POLQ: variants seen among roughly 807,000 people sequenced by gnomAD.
POLQ encodes epididymis secretory sperm binding protein.
A neutral mutation model predicts 259.2 loss-of-function variants in POLQ; 233 were observed. The ratio of observed to expected loss-of-function variants is 0.90; its 90% confidence interval spans 0.81 to 1.00. The LOEUF (loss-of-function observed/expected upper bound fraction) is 1.00. Among genes scored for constraint, POLQ ranks in the 50% least tolerant of loss-of-function variants. The probability of loss-of-function intolerance (pLI) is 0.00; values close to 1 mark genes in which losing one functional copy is unlikely to be tolerated. For synonymous variants in POLQ, 1,025 were observed against 1,048.8 expected (o/e 0.98, Z 0.44); for missense variants, 2,871 against 3,051.6 (o/e 0.94, Z 1.39).
At chr3:121,536,852 C>G (rs2048454975) in intron 5 of POLQ, among the ~76,000 whole-genome samples, 1 of 152,044 alleles carries the variant, frequency 6.6e-6, no homozygotes, top group South Asian at 2.1e-4. Context: ...CACTGTGTTG[C>G]CCAGGCTGGT....
intron 12 of POLQ, among the ~76,000 whole-genome samples, chr3:121,504,357 C>T (rs529234750): frequency 2.0e-5 from 3 of 152,274 alleles, no homozygotes; most frequent in East Asian, 1.9e-4. Context: ...AAAATCGAAA[C>T]TCTGAATAGT....
chr3:121,538,638 G>T (rs2048467532), intron 4 of POLQ, among the ~76,000 whole-genome samples: 1 of 150,600 alleles, frequency 6.6e-6, no homozygotes, highest in Non-Finnish European at 1.5e-5. Flanking sequence ...CACTGTGCTA[G>T]GTACATTGGA....
rs1366574807 is a variant in POLQ, at chr3:121,431,609, T to TA, written c.*694dup. 6.6e-6 allele frequency: 1 copy of TA among 152,596 alleles called. No individual in the cohort carries two copies. Among genetic ancestry groups the TA allele is most frequent in the Non-Finnish European group, 1.5e-5 (1 of 68,034 alleles). The allele number at this position is 152,596 out of a possible 1,614,324, so 9.5% of individuals were successfully genotyped here. On this transcript the variant is annotated 3_prime_UTR_variant, in exon 30 of 30. Transcript: ENST00000264233. Reference sequence around the variant, plus strand: ...CTGGCAGTATTATATTGACCTGCAATAAAAACATCTGATCTTACAGAACAG... The same window carrying TA: ...CTGGCAGTATTATATTGACCTGCAATAAAAAACATCTGATCTTACAGAACAG...
At chr3:121,544,655 C>T (rs2048515906) in intron 2 of POLQ, 72 bp downstream of exon 2, 7 of 997,400 alleles carry the variant, frequency 7.0e-6, no homozygotes, top group Non-Finnish European at 9.2e-6. Context: ...AAACGAACCA[C>T]AACTACCTCA....
rs2047848462 is a variant in POLQ, at chr3:121,467,563, A to T, written c.6923T>A (p.Met2308Lys). The change falls in exon 24 of 30, where the codon ATG becomes AAG. Residue 2308 changes from methionine to lysine, a missense_variant. By Grantham distance (95) the Met-to-Lys change is moderately conservative. Around this residue, in one of 3 missense-constraint regions of POLQ, gnomAD observed 2,080 missense variants for 2,126.0 expected, o/e 0.98. Transcript: ENST00000264233. ...ATGTCGCATGCTAATTGAAAATGGC[A>T]TTCCTCTGTCTGCAGCTCTCTCCTC... Reference protein sequence around the residue: ...QMEERAADRGMPFSISMRHAF... With the variant: ...QMEERAADRGKPFSISMRHAF... 8.1e-6 allele frequency: 13 copies of T among 1,614,070 alleles called. No individual in the cohort carries two copies. The highest frequency in any genetic ancestry group is 1.1e-5 in the Non-Finnish European group (13 of 1,179,938).
At position 121,453,089 on chromosome 3, in the gene POLQ, C is replaced by T. The variant is rs189869904; in HGVS notation, c.7153-3663G>A. On this transcript the variant is annotated intron_variant, in intron 25 of 29. Transcript: ENST00000264233. Reference sequence around the variant, plus strand: ...GCAGCATTCGCAGTTTACGAAAATCCGCTGTTCTGCAGTCACCGCTGTTGA... The same window carrying T: ...GCAGCATTCGCAGTTTACGAAAATCTGCTGTTCTGCAGTCACCGCTGTTGA... Among the ~76,000 whole-genome samples the T allele has an allele frequency of 7.2e-5, 11 of 152,314 alleles. No individual in the cohort carries two copies. The East Asian group carries it at 9.7e-4, about 13-fold the overall frequency.
intron 4 of POLQ, among the ~76,000 whole-genome samples, chr3:121,538,442 A>G (rs1471766342): frequency 6.6e-6 from 1 of 152,078 alleles, no homozygotes; most frequent in Non-Finnish European, 1.5e-5. Flanking sequence ...CTCCCCACCA[A>G]AAGACAACTT....
At position 121,545,083 on chromosome 3, in the gene POLQ, T is replaced by G. The variant is rs77337163; in HGVS notation, c.164-177A>C. Among the ~76,000 whole-genome samples, 1,020 of 152,304 alleles carry G rather than the reference T, an allele frequency of 6.7e-3. 6 individuals are homozygous for G. Among genetic ancestry groups the G allele is most frequent in the South Asian group, 0.013 (61 of 4,828 alleles). ...TGTATAGAAAAGTAATAAATTGTTA[T>G]TTACTGCATATAATAAAAATTCCTT... On this transcript the variant is annotated intron_variant, in intron 1 of 29. Transcript: ENST00000264233.
intron 16 of POLQ, among the ~76,000 whole-genome samples, chr3:121,486,043 C>A (rs1317322919): frequency 6.6e-6 from 1 of 152,076 alleles, no homozygotes; most frequent in African/African-American, 2.4e-5. Context: ...CTTATTTGAC[C>A]AAAAGGTTCA....
intron 24 of POLQ, among the ~76,000 whole-genome samples, chr3:121,462,149 T>C (rs1042562832): frequency 1.4e-4 from 21 of 152,068 alleles, no homozygotes; most frequent in African/African-American, 5.1e-4. Context: ...AAAATCAAAA[T>C]CTAAAACACT....
At chr3:121,497,500 A>G (rs943437990) in intron 13 of POLQ, among the ~76,000 whole-genome samples, 4 of 151,996 alleles carry the variant, frequency 2.6e-5, no homozygotes, top group African/African-American at 9.7e-5. Flanking sequence ...GCAGTGGCGC[A>G]ATCTTGGCTC....
In POLQ at chr3:121,498,464, C is replaced by CCTTGA. The variant is rs774956514; in HGVS notation, c.2153+8_2153+12dup. The CCTTGA allele has an allele frequency of 5.0e-6, 8 of 1,604,260 alleles. No homozygotes were observed. The Admixed American group carries it at 1.3e-4, about 27-fold the overall frequency. On this transcript the variant is annotated intron_variant, in intron 13 of 29. Transcript: ENST00000264233. ...TGTTAAATACCGGAGAGCCCAGAGA[C>CCTTGA]CTTGACGTTTACCTTTTATGGATGG... is the stretch of plus-strand genomic sequence containing the variant.
intron 25 of POLQ, 59 bp downstream of exon 25, chr3:121,459,991 A>T: frequency 7.5e-7 from 1 of 1,328,224 alleles, no homozygotes; most frequent in South Asian, 1.2e-5. Context: ...GACCATTTTT[A>T]ATTTTTTTTG....
intron 6 of POLQ, among the ~76,000 whole-genome samples, chr3:121,531,937 A>T (rs1278082122): frequency 6.6e-6 from 1 of 152,180 alleles, no homozygotes; most frequent in Non-Finnish European, 1.5e-5. Flanking sequence ...TTCTATTTCC[A>T]ATTCTAAAAT....
At chr3:121,534,192 C>A (rs758896673) in intron 5 of POLQ, among the ~76,000 whole-genome samples, 1 of 151,732 alleles carries the variant, frequency 6.6e-6, no homozygotes, top group Non-Finnish European at 1.5e-5. Flanking sequence ...GTTTCAAAAG[C>A]CTGTTTTTTT....
At position 121,432,919 on chromosome 3, in the gene POLQ, T is replaced by C. The variant is rs749186748; in HGVS notation, c.7658A>G (p.Gln2553Arg). The C allele has an allele frequency of 1.3e-5, 20 of 1,550,210 alleles. No homozygotes were observed. Among genetic ancestry groups the C allele is most frequent in the Middle Eastern group, 1.7e-4 (1 of 5,948 alleles). Residue 2553 changes from glutamine (Q) to arginine (R), a missense_variant and splice_region_variant, in exon 29 of 30, where the codon CAG (glutamine) becomes CGG (arginine). Gln to Arg is a conservative substitution (Grantham distance 43). This residue lies in a region of POLQ where 2,080 missense variants were observed against 2,126.0 expected (regional missense o/e 0.98). Coordinates refer to ENST00000264233, the MANE Select transcript of POLQ (RefSeq NM_199420.4). ...LYEVAEEDVV[Q>R]VAQIVKNEME... Reference sequence around the variant, plus strand: ...TGGACACAAGCATTGCAAAAATACCTGAACAACATCTTCTTCTGCCACTTC... The same window carrying C: ...TGGACACAAGCATTGCAAAAATACCCGAACAACATCTTCTTCTGCCACTTC...
At chr3:121,520,204 G>C in intron 8 of POLQ, 121 bp from the exon 9 acceptor site, 1 of 653,418 alleles carries the variant, frequency 1.5e-6, no homozygotes, top group Non-Finnish European at 2.7e-6. Context: ...CTATTGTTAT[G>C]ACTGTTGACA....
Position 121,483,585 on chromosome 3 carries a change from TTA to T in POLQ, c.5774-5_5774-4del. ...TGGAACCAAACTGGCACTAATTTCTTTAAAAAAAAAAAAAAAAAGGAAAAAAC... is the reference window on the plus strand; with the variant it reads ...TGGAACCAAACTGGCACTAATTTCTTAAAAAAAAAAAAAAAAGGAAAAAAC... On this transcript the variant is annotated splice_region_variant and splice_polypyrimidine_tract_variant and intron_variant, in intron 17 of 29. Transcript: ENST00000264233. 26 of 1,473,810 alleles carry T rather than the reference TTA, an allele frequency of 1.8e-5. No individual in the cohort carries two copies. The highest frequency in any genetic ancestry group is 5.8e-5 in the South Asian group (4 of 68,464). 91.3% of individuals were successfully genotyped at this position (1,473,810 alleles called of 1,614,324 possible). A position where few individuals can be genotyped will look rare whatever the true frequency, so the allele number is the denominator to read the frequency against.
chr3:121,509,987 C>A, intron 11 of POLQ, 52 bp downstream of exon 11: 1 of 1,388,100 alleles, frequency 7.2e-7, no homozygotes, highest in Non-Finnish European at 1.0e-6. Flanking sequence ...AGTCATACAA[C>A]CTCACTAAAG....
Sources: gnomAD v4.1 joint callset for allele counts (sites outside exome capture counted in the v4.1 genomes callset) on GRCh38, gnomAD v4.1.1 for gene constraint, gnomAD v4.1.1 regional missense constraint, MANE v1.5 for transcripts, NCBI Gene and HGNC (gene_info 2026-07-23, HGNC 2026-07-21) for gene names.